CENPO: variants seen among roughly 807,000 people sequenced by gnomAD.
CENPO encodes centromeric protein O.
In CENPO, 30 loss-of-function variants were observed where a neutral mutation model predicts 36.1. The ratio of observed to expected loss-of-function variants is 0.83; its 90% CI spans 0.62 to 1.13. The LOEUF (loss-of-function observed/expected upper bound fraction) is 1.13. Among genes scored for constraint, CENPO ranks in the 50% most tolerant of loss-of-function variants. CENPO has a pLI of 0.00. For missense variants in CENPO, 349 were observed against 357.8 expected, an observed-to-expected ratio of 0.98 and a Z score of 0.20; for synonymous variants, 171 against 142.3, an observed-to-expected ratio of 1.20 and a Z score of -1.44.
chr2:24,812,152 A>C (rs1227640091), intron 3 of CENPO, among the ~76,000 whole-genome samples: 1 of 151,972 alleles, frequency 6.6e-6, no homozygotes, highest in Non-Finnish European at 1.5e-5. Context: ...TTATTTCACT[A>C]TGTTTTTTAT....
intron 3 of CENPO, among the ~76,000 whole-genome samples, chr2:24,806,812 C>T (rs1558375136): frequency 1.3e-5 from 2 of 152,024 alleles, no homozygotes; most frequent in South Asian, 4.1e-4. Flanking sequence ...GGAGCTTGAC[C>T]CTTCCCTTTT....
intron 3 of CENPO, among the ~76,000 whole-genome samples, chr2:24,801,077 G>A (rs1666140897): frequency 1.3e-5 from 2 of 152,226 alleles, no homozygotes; most frequent in South Asian, 4.1e-4. Context: ...CTGATGGCCA[G>A]TGATGATGAG....
Position 24,807,240 on chromosome 2 carries a change from C to T in CENPO, c.217-7136C>T, listed in dbSNP as rs141580344. On this transcript the variant is annotated intron_variant, in intron 3 of 7. Transcript: ENST00000380834. The stretch of plus-strand genomic sequence containing the variant: ...CAGAGATTAAAGTATAGAGCATTAC[C>T]AACACCCAGAAGCCTCCAGTTTGCC... Among the ~76,000 whole-genome samples the T allele has an allele frequency of 1.5e-4, 23 of 152,036 alleles. No homozygotes were observed. The East Asian group carries it at 4.2e-3, about 28-fold the overall frequency.
At chr2:24,800,190 C>T (rs1052430336) in intron 3 of CENPO, among the ~76,000 whole-genome samples, 2 of 152,162 alleles carry the variant, frequency 1.3e-5, no homozygotes, top group African/African-American at 4.8e-5. Context: ...GAGGCTGAGG[C>T]ACGAATTGCA....
chr2:24,797,956 T>C (rs867615557), intron 2 of CENPO, among the ~76,000 whole-genome samples: 1 of 152,216 alleles, frequency 6.6e-6, no homozygotes, highest in African/African-American at 2.4e-5. Context: ...AGTTGAGCAC[T>C]GAAGATCCAA....
chr2:24,803,077 A>G (rs918593773), intron 3 of CENPO, among the ~76,000 whole-genome samples: 6 of 152,130 alleles, frequency 3.9e-5, no homozygotes, highest in Non-Finnish European at 8.8e-5. Context: ...GTGTCCAGGA[A>G]TTTATCCATT....
Position 24,796,733 on chromosome 2 carries a change from T to A in CENPO, c.46+2768T>A, listed in dbSNP as rs560344837. Reference sequence around the variant, plus strand: ...TATGAGCTGGCACCTGACCTTGTTCTGAAGGTGCTACAAAGGTTTCCCTGA... The same window carrying A: ...TATGAGCTGGCACCTGACCTTGTTCAGAAGGTGCTACAAAGGTTTCCCTGA... On this transcript the variant is annotated intron_variant, in intron 2 of 7. Coordinates refer to ENST00000380834, the MANE Select transcript of CENPO (RefSeq NM_001322101.2). Among the ~76,000 whole-genome samples, 5 of 152,324 alleles carry A rather than the reference T, an allele frequency of 3.3e-5. No individual in the cohort carries two copies. The South Asian group carries it at 8.3e-4, about 25-fold the overall frequency.
chr2:24,800,920 G>T (rs1342158494), intron 3 of CENPO, among the ~76,000 whole-genome samples: 7 of 151,992 alleles, frequency 4.6e-5, no homozygotes, highest in Admixed American at 1.3e-4. Context: ...CCACAATGGT[G>T]GAACTAGTTT....
In CENPO at chr2:24,821,556, T is replaced by C. The variant is rs1225702146; in HGVS notation, c.*2238T>C. On this transcript the variant is annotated 3_prime_UTR_variant, in exon 8 of 8. Transcript: ENST00000380834. ...AAGTTATTGAAGGACTGGTTGTTGATGTTGGTGAGCGTATCCTTCATGGCC... is the reference window on the plus strand; with the variant it reads ...AAGTTATTGAAGGACTGGTTGTTGACGTTGGTGAGCGTATCCTTCATGGCC... 2 of 1,614,126 alleles carry C rather than the reference T, an allele frequency of 1.2e-6. No homozygotes were observed. The highest frequency in any genetic ancestry group is 1.1e-5 in the South Asian group (1 of 91,078).
chr2:24,807,244 A>G (rs1007327372), intron 3 of CENPO, among the ~76,000 whole-genome samples: 1 of 152,000 alleles, frequency 6.6e-6, no homozygotes, highest in Non-Finnish European at 1.5e-5. Context: ...CATTACCAAC[A>G]CCCAGAAGCC....
chr2:24,799,615 C>A, intron 2 of CENPO, 60 bp from the exon 3 acceptor site: 1 of 1,396,100 alleles, frequency 7.2e-7, no homozygotes, highest in South Asian at 1.3e-5. Context: ...TGAGATGCTT[C>A]CTGTTGCCAC....
chr2:24,810,081 T>G (rs1268531753), intron 3 of CENPO, among the ~76,000 whole-genome samples: 1 of 152,090 alleles, frequency 6.6e-6, no homozygotes, highest in African/African-American at 2.4e-5. Context: ...CTTATTGATT[T>G]ACTTGTCTAC....
intron 3 of CENPO, among the ~76,000 whole-genome samples, chr2:24,802,239 G>A (rs1666193838): frequency 1.3e-5 from 2 of 151,962 alleles, no homozygotes; most frequent in Admixed American, 1.3e-4. Context: ...TGAGACAATG[G>A]GGTTTTCTAG....
Position 24,799,764 on chromosome 2 carries a change from G to C in CENPO, c.136G>C (p.Gly46Arg). 1 of 1,614,080 alleles carries C rather than the reference G, an allele frequency of 6.2e-7. No homozygotes were observed. Among genetic ancestry groups the C allele is most frequent in the Non-Finnish European group, 8.5e-7 (1 of 1,180,042 alleles). ...GCTGCAGAGCGTGCAGGCCCAGGAA[G>C]GTGCTCTTGGAACCAAGATTCATAA... is the stretch of plus-strand genomic sequence containing the variant. ...EELQSVQAQEGALGTKIHKLR... is the reference protein window; with the variant it reads ...EELQSVQAQERALGTKIHKLR... Residue 46 changes from glycine to arginine, a missense_variant, in exon 3 of 8, where the codon GGT (glycine) becomes CGT (arginine). Coordinates refer to ENST00000380834, the MANE Select transcript of CENPO (RefSeq NM_001322101.2).
At chr2:24,810,118 T>A (rs531809004) in intron 3 of CENPO, among the ~76,000 whole-genome samples, 4 of 152,344 alleles carry the variant, frequency 2.6e-5, no homozygotes, top group South Asian at 2.1e-4. Context: ...ATAGATTTTT[T>A]AAAATCTCCC....
In CENPO at chr2:24,820,610, TCTGGACTTA is replaced by T; in HGVS notation, c.*1296_*1304del. 1 of 1,534,674 alleles carries T rather than the reference TCTGGACTTA, an allele frequency of 6.5e-7. No individual in the cohort carries two copies. Among genetic ancestry groups the T allele is most frequent in the Non-Finnish European group, 8.8e-7 (1 of 1,132,764 alleles). ...TTTCCACTTGCCCCACGTCTCTGCC[TCTGGACTTA>T]CTGTTCAGGGCCAGGGTGGGAGGCA... On this transcript the variant is annotated 3_prime_UTR_variant, in exon 8 of 8. Transcript: ENST00000380834.
chr2:24,805,277 C>T (rs185797061), intron 3 of CENPO, among the ~76,000 whole-genome samples: 2 of 152,134 alleles, frequency 1.3e-5, no homozygotes, highest in African/African-American at 4.8e-5. Flanking sequence ...CGAACTTCCT[C>T]CTGTAGCTCG....
intron 3 of CENPO, among the ~76,000 whole-genome samples, chr2:24,811,468 GT>G (rs1184413093): frequency 4.5e-4 from 47 of 103,386 alleles, no homozygotes; most frequent in African/African-American, 9.3e-4. Flanking sequence ...TTTGTTTTTT[GT>G]TTTTTTTTTT....
intron 3 of CENPO, among the ~76,000 whole-genome samples, chr2:24,806,288 C>T (rs1276414544): frequency 4.6e-5 from 7 of 152,212 alleles, no homozygotes; most frequent in South Asian, 2.1e-4. Flanking sequence ...GGCGATGCCT[C>T]GCCCTGCTTT....
Sources: allele counts gnomAD v4.1 joint callset (sites outside exome capture counted in the v4.1 genomes callset), GRCh38; gene constraint gnomAD v4.1.1; transcripts MANE v1.5; gene names NCBI Gene and HGNC (gene_info 2026-07-23, HGNC 2026-07-21).